PDZRN4: variants seen among roughly 807,000 people sequenced by gnomAD.
PDZRN4 encodes PDZ domain containing ring finger 4, also known as PDZ domain-containing RING finger protein 4.
PDZRN4 carries 70 observed loss-of-function variants against 99.0 expected under a neutral mutation model. The ratio of observed to expected loss-of-function variants is 0.71; its 90% confidence interval spans 0.58 to 0.86. PDZRN4 has a LOEUF of 0.86. PDZRN4 is among the 40% of genes least tolerant of loss of function. PDZRN4 has a pLI of 0.00. For synonymous variants in PDZRN4, 551 were observed against 501.6 expected (o/e 1.10, Z -1.32); for missense variants, 1,474 against 1,331.2 (o/e 1.11, Z -1.67).
intron 3 of PDZRN4, among the ~76,000 whole-genome samples, chr12:41,496,633 AT>A (rs1328117880): frequency 3.3e-5 from 5 of 152,134 alleles, no homozygotes; most frequent in African/African-American, 1.2e-4. Flanking sequence ...TGTACAATAC[AT>A]TTAAGTCAAA....
chr12:41,530,908 T>C (rs1041866969), intron 5 of PDZRN4, among the ~76,000 whole-genome samples: 33 of 152,098 alleles, frequency 2.2e-4, no homozygotes, highest in African/African-American at 8.0e-4. Context: ...TGTGGCTCGC[T>C]TCTTCAGTGC....
chr12:41,361,978 A>G (rs1951966455), intron 3 of PDZRN4, among the ~76,000 whole-genome samples: 1 of 152,046 alleles, frequency 6.6e-6, no homozygotes, highest in South Asian at 2.1e-4. Context: ...TGTTGGCATT[A>G]TCAGAACCAG....
intron 3 of PDZRN4, among the ~76,000 whole-genome samples, chr12:41,205,771 A>G (rs1394493600): frequency 6.6e-6 from 1 of 151,594 alleles, no homozygotes; most frequent in Non-Finnish European, 1.5e-5. Context: ...ATCACAGATC[A>G]TAAGTGTCTA....
intron 3 of PDZRN4, among the ~76,000 whole-genome samples, chr12:41,363,773 G>A (rs1005510161): frequency 2.6e-5 from 4 of 152,072 alleles, no homozygotes; most frequent in Admixed American, 2.0e-4. Context: ...CGCTAGCAAA[G>A]GCAAATTGGG....
chr12:41,379,823 C>G (rs1952110199), intron 3 of PDZRN4, among the ~76,000 whole-genome samples: 1 of 151,636 alleles, frequency 6.6e-6, no homozygotes, highest in South Asian at 2.1e-4. Context: ...GTGTATTTTG[C>G]TTCTGTTGGA....
At chr12:41,531,435 C>T (rs1347923813) in intron 5 of PDZRN4, among the ~76,000 whole-genome samples, 1 of 152,138 alleles carries the variant, frequency 6.6e-6, no homozygotes, top group East Asian at 1.9e-4. Context: ...TGTCAACATG[C>T]ACGTGTTTGT....
chr12:41,563,253 G>A (rs1007239931), intron 7 of PDZRN4, among the ~76,000 whole-genome samples: 1 of 152,128 alleles, frequency 6.6e-6, no homozygotes, highest in Non-Finnish European at 1.5e-5. Flanking sequence ...AAAGATGAAC[G>A]TCACCTGTCA....
intron 3 of PDZRN4, among the ~76,000 whole-genome samples, chr12:41,205,189 T>C (rs1950840587): frequency 6.6e-6 from 1 of 151,918 alleles, no homozygotes; most frequent in Non-Finnish European, 1.5e-5. Flanking sequence ...TGATTCTAAA[T>C]TCTTGAACTC....
chr12:41,243,670 C>A (rs1951114846), intron 3 of PDZRN4, among the ~76,000 whole-genome samples: 1 of 152,102 alleles, frequency 6.6e-6, no homozygotes, highest in Non-Finnish European at 1.5e-5. Context: ...ATCTTTCATA[C>A]TTTAATTTGA....
chr12:41,567,691 G>A lies in PDZRN4; in HGVS notation c.1468-92G>A, dbSNP rs1388985582. 5 of 561,388 alleles carry A rather than the reference G, an allele frequency of 8.9e-6. No homozygotes were observed. The African/African-American group carries it at 9.8e-5, about 11-fold the overall frequency. 34.8% of individuals were successfully genotyped at this position (561,388 alleles called of 1,614,324 possible). On this transcript the variant is annotated intron_variant, in intron 8 of 9. Coordinates refer to ENST00000402685, the MANE Select transcript of PDZRN4 (RefSeq NM_001164595.2). ...TCTGAAGAGAATCATTATGATAAAA[G>A]GAACTCGTCGGGCACCGGCCATTTA...
rs77966915 is a variant in PDZRN4 at position 41,562,681 on chromosome 12, T to C, written c.1366-867T>C. Reference sequence around the variant, plus strand: ...ATTAAGAGCTAAATATATTTGCACATGAAAATGTAGTTTAAAAAAAGAAAC... The same window carrying C: ...ATTAAGAGCTAAATATATTTGCACACGAAAATGTAGTTTAAAAAAAGAAAC... On this transcript the variant is annotated intron_variant, in intron 7 of 9. Transcript: ENST00000402685. Among the ~76,000 whole-genome samples the C allele has an allele frequency of 1.7e-3, 265 of 152,144 alleles. 3 individuals are homozygous for C. The highest frequency in any genetic ancestry group is 5.6e-3 in the African/African-American group (232 of 41,546).
intron 3 of PDZRN4, among the ~76,000 whole-genome samples, chr12:41,219,348 G>A (rs535904176): frequency 6.6e-6 from 1 of 152,110 alleles, no homozygotes; most frequent in Admixed American, 6.6e-5. Flanking sequence ...GAATGGTAGG[G>A]AGAAGAAAAC....
At position 41,516,636 on chromosome 12, in the gene PDZRN4, A is replaced by C. The variant is rs545367664; in HGVS notation, c.1203+6723A>C. 1.9e-4 allele frequency among the ~76,000 whole-genome samples: 29 copies of C among 152,210 alleles called. 1 individual carries two copies. Among genetic ancestry groups the C allele is most frequent in the African/African-American group, 6.7e-4 (28 of 41,560 alleles). On this transcript the variant is annotated intron_variant, in intron 5 of 9. Coordinates refer to ENST00000402685, the MANE Select transcript of PDZRN4 (RefSeq NM_001164595.2). ...ATGCGTGTTTTACCACAAATGCGTAAGCTGGTGAACCCTGGTAGATAGACA... is the reference window on the plus strand; with the variant it reads ...ATGCGTGTTTTACCACAAATGCGTACGCTGGTGAACCCTGGTAGATAGACA...
intron 3 of PDZRN4, among the ~76,000 whole-genome samples, chr12:41,235,943 T>G (rs1006797211): frequency 6.6e-6 from 1 of 152,206 alleles, no homozygotes; most frequent in Non-Finnish European, 1.5e-5. Context: ...AAATTAAAGC[T>G]AAAGAGTTAT....
At chr12:41,360,157 A>C (rs183445892) in intron 3 of PDZRN4, among the ~76,000 whole-genome samples, 1 of 151,992 alleles carries the variant, frequency 6.6e-6, no homozygotes, top group Non-Finnish European at 1.5e-5. Context: ...GTACTCCTCC[A>C]TAATACCTAG....
chr12:41,376,944 G>A (rs1402946767), intron 3 of PDZRN4, among the ~76,000 whole-genome samples: 2 of 152,138 alleles, frequency 1.3e-5, no homozygotes, highest in African/African-American at 4.8e-5. Context: ...TCTTCTGCAT[G>A]TGCATATTCA....
At chr12:41,476,585 C>A (rs760423934) in intron 3 of PDZRN4, among the ~76,000 whole-genome samples, 1 of 152,134 alleles carries the variant, frequency 6.6e-6, no homozygotes, top group East Asian at 1.9e-4. Context: ...TGCTCCTACC[C>A]GAGGAACACC....
intron 3 of PDZRN4, among the ~76,000 whole-genome samples, chr12:41,327,044 C>A (rs1252721541): frequency 2.0e-5 from 3 of 152,128 alleles, no homozygotes; most frequent in Non-Finnish European, 4.4e-5. Context: ...ATCTCTATTT[C>A]TCTTGAAGAT....
chr12:41,471,270 G>C (rs1418275913), intron 3 of PDZRN4, among the ~76,000 whole-genome samples: 1 of 152,096 alleles, frequency 6.6e-6, no homozygotes, highest in Non-Finnish European at 1.5e-5. Context: ...TCTCACTCTT[G>C]CTGAAGGTCT....
Sources: allele counts gnomAD v4.1 joint callset (sites outside exome capture counted in the v4.1 genomes callset), GRCh38; gene constraint gnomAD v4.1.1; transcripts MANE v1.5; gene names NCBI Gene and HGNC (gene_info 2026-07-23, HGNC 2026-07-21).